Variants in OTOGL observed in about 807,000 individuals in gnomAD.
OTOGL encodes the protein otogelin like, also known as otogelin-like protein.
OTOGL carries 285 observed loss-of-function variants against 318.5 expected under a neutral mutation model. That is an observed-to-expected ratio of 0.89 (90% CI 0.81 to 0.99). The LOEUF (loss-of-function observed/expected upper bound fraction) is 0.99. Among genes scored for constraint, OTOGL ranks in the 50% least tolerant of loss-of-function variants. The pLI is 0.00. For synonymous variants in OTOGL, 987 were observed against 936.5 expected (o/e 1.05, Z -0.99); for missense variants, 2,899 against 2,845.6 (o/e 1.02, Z -0.43).
chr12:80,261,210 T>A (rs1218120328), intron 18 of OTOGL, among the ~76,000 whole-genome samples: 1 of 152,128 alleles, frequency 6.6e-6, no homozygotes. Context: ...GATTGTGGTG[T>A]GGTCAAAAAC....
chr12:80,309,314 G>A (rs1246089441), intron 29 of OTOGL, among the ~76,000 whole-genome samples: 4 of 152,132 alleles, frequency 2.6e-5, no homozygotes, highest in Non-Finnish European at 5.9e-5. Flanking sequence ...ACACAAAGTG[G>A]GGATTGTGAT....
At chr12:80,110,860 CT>C (rs1565864003) in intron 1 of OTOGL, among the ~76,000 whole-genome samples, 1 of 152,208 alleles carries the variant, frequency 6.6e-6, no homozygotes, top group African/African-American at 2.4e-5. Flanking sequence ...CTAATTTACA[CT>C]CCCACCAACA....
intron 20 of OTOGL, 36 bp from the exon 21 acceptor site, chr12:80,266,415 G>A: frequency 6.2e-7 from 1 of 1,606,640 alleles, no homozygotes; most frequent in Admixed American, 1.7e-5. Context: ...TATGTGCCAT[G>A]GCAATCTTTC....
chr12:80,214,762 C>A (rs149747393), intron 4 of OTOGL, among the ~76,000 whole-genome samples: 1 of 152,224 alleles, frequency 6.6e-6, no homozygotes, highest in Non-Finnish European at 1.5e-5. Flanking sequence ...CGGAGGTAGG[C>A]TTATGAAGAA....
In OTOGL at chr12:80,266,501, C is replaced by A. The variant is rs1347052101; in HGVS notation, c.2275C>A (p.Leu759Ile). 3.1e-6 allele frequency: 5 copies of A among 1,613,436 alleles called. No individual in the cohort carries two copies. The highest frequency in any genetic ancestry group is 4.2e-6 in the Non-Finnish European group (5 of 1,179,702). The change falls in exon 21 of 59, where the codon CTC (leucine) becomes ATC (isoleucine). Residue 759 changes from leucine to isoleucine, a missense_variant. This residue lies in a region of OTOGL where 2,607 missense variants were observed against 2,524.9 expected (regional missense o/e 1.03). Transcript: ENST00000547103. ...GTACCATCACTGTTCCTCGTTCTGC[C>A]TCCATTCCTGCATTTCTCTCTCTTC... ...MLYHHCSSFC[L>I]HSCISLSSPE... is the part of the protein sequence containing the mutation.
chr12:80,204,539 TA>T (rs1170857903), intron 1 of OTOGL, among the ~76,000 whole-genome samples: 1 of 152,124 alleles, frequency 6.6e-6, no homozygotes, highest in East Asian at 1.9e-4. Flanking sequence ...AAGTTGTAAT[TA>T]AGTTGAAAAA....
At chr12:80,336,666 G>A (rs1185327239) in intron 40 of OTOGL, 111 bp downstream of exon 40, 10 of 1,424,204 alleles carry the variant, frequency 7.0e-6, no homozygotes, top group Admixed American at 6.5e-5. Context: ...CACTGAGATC[G>A]GTCTTCTGAT....
chr12:80,254,804 TA>T (rs921872952), intron 15 of OTOGL, among the ~76,000 whole-genome samples: 1 of 152,010 alleles, frequency 6.6e-6, no homozygotes, highest in African/African-American at 2.4e-5. Context: ...AAATGTGGAA[TA>T]AATATCATTT....
intron 11 of OTOGL, among the ~76,000 whole-genome samples, chr12:80,250,728 T>C (rs895342368): frequency 2.6e-5 from 4 of 152,190 alleles, no homozygotes; most frequent in African/African-American, 9.7e-5. Context: ...TTTACAATAG[T>C]GACACTGAAA....
At chr12:80,377,287 A>G (rs73141186) in intron 58 of OTOGL, 85 bp downstream of exon 58, 30,836 of 931,996 alleles carry the variant, frequency 0.033, 574 homozygotes, top group Non-Finnish European at 0.04. Context: ...TTGTAAGCCA[A>G]CAAACTGCCA....
At chr12:80,176,435 C>T (rs1874532474) in intron 1 of OTOGL, among the ~76,000 whole-genome samples, 1 of 152,082 alleles carries the variant, frequency 6.6e-6, no homozygotes, top group Non-Finnish European at 1.5e-5. Context: ...CCTAGGCAAC[C>T]ACTGATCTAC....
intron 52 of OTOGL, among the ~76,000 whole-genome samples, chr12:80,365,609 A>G (rs1043222803): frequency 2.0e-5 from 3 of 152,052 alleles, no homozygotes; most frequent in South Asian, 2.1e-4. Context: ...TCGATTTATT[A>G]TTATTTTTAG....
At chr12:80,178,205 C>T (rs1330664527) in intron 1 of OTOGL, among the ~76,000 whole-genome samples, 1 of 151,102 alleles carries the variant, frequency 6.6e-6, no homozygotes, top group Non-Finnish European at 1.5e-5. Context: ...GGATTACAGA[C>T]ACCTACCACC....
intron 4 of OTOGL, among the ~76,000 whole-genome samples, chr12:80,213,590 CATTTT>C (rs1431012588): frequency 1.3e-5 from 2 of 152,138 alleles, no homozygotes; most frequent in African/African-American, 2.4e-5. Flanking sequence ...AATGGAAATA[CATTTT>C]ATTTTTCTTA....
At chr12:80,164,286 T>TA (rs1162660674) in intron 1 of OTOGL, among the ~76,000 whole-genome samples, 1 of 152,168 alleles carries the variant, frequency 6.6e-6, no homozygotes, top group Non-Finnish European at 1.5e-5. Flanking sequence ...TATACATACC[T>TA]AAAAAACTAG....
chr12:80,262,188 A>G (rs1882597844), intron 19 of OTOGL, 95 bp downstream of exon 19: 1 of 1,231,438 alleles, frequency 8.1e-7, no homozygotes, highest in African/African-American at 1.6e-5. Context: ...TTTAAATTCT[A>G]ATTTTCTCCA....
chr12:80,124,420 A>G (rs1592470963), intron 1 of OTOGL, among the ~76,000 whole-genome samples: 1 of 152,294 alleles, frequency 6.6e-6, no homozygotes, highest in Non-Finnish European at 1.5e-5. Context: ...TACCAGTACC[A>G]TGCTGTTTTG....
intron 1 of OTOGL, among the ~76,000 whole-genome samples, chr12:80,191,180 A>G (rs984712507): frequency 3.3e-5 from 5 of 152,188 alleles, no homozygotes; most frequent in Non-Finnish European, 7.3e-5. Flanking sequence ...GTTCATGCCT[A>G]TAATCCCAGC....
At chr12:80,147,069 A>C (rs1006977016) in intron 1 of OTOGL, among the ~76,000 whole-genome samples, 2 of 149,848 alleles carry the variant, frequency 1.3e-5, no homozygotes, top group Non-Finnish European at 3.0e-5. Flanking sequence ...TTCTGCTCTG[A>C]TTTTAGTTAT....
Sources: allele counts gnomAD v4.1 joint callset (sites outside exome capture counted in the v4.1 genomes callset), GRCh38; gene constraint gnomAD v4.1.1; regional missense constraint gnomAD v4.1.1; transcripts MANE v1.5; gene names NCBI Gene and HGNC (gene_info 2026-07-23, HGNC 2026-07-21).